Variants in SKIC3 observed in about 807,000 individuals in gnomAD.
SKIC3 encodes the protein superkiller complex protein 3.
chr5:95,524,478 G>A, the SKIC3 span: 2 of 1,613,150 alleles, frequency 1.2e-6, no homozygotes, highest in Non-Finnish European at 1.7e-6. Context: ...CAGAAAGTGG[G>A]TAAGAGCCTT....
chr5:95,476,214 G>C, the SKIC3 span, among the ~76,000 whole-genome samples: 1 of 152,326 alleles, frequency 6.6e-6, no homozygotes, highest in East Asian at 1.9e-4. Context: ...GCCAGCCACA[G>C]ATCTCAGCTC....
chr5:95,491,124 G>A, the SKIC3 span: 1 of 1,516,362 alleles, frequency 6.6e-7, no homozygotes. Flanking sequence ...GAGTTTACAA[G>A]TTAAAAAAAA....
chr5:95,517,208 A>T, the SKIC3 span: 3 of 1,613,362 alleles, frequency 1.9e-6, no homozygotes, highest in Admixed American at 3.3e-5. Context: ...TCTGACCTAG[A>T]AGGACTCCTA....
the SKIC3 span, among the ~76,000 whole-genome samples, chr5:95,518,008 C>T: frequency 4.6e-5 from 7 of 152,140 alleles, no homozygotes; most frequent in East Asian, 1.4e-3. Flanking sequence ...CACCAAGATG[C>T]CAGCACCATG....
chr5:95,542,589 T>C, the SKIC3 span, among the ~76,000 whole-genome samples: 1 of 152,208 alleles, frequency 6.6e-6, no homozygotes, highest in Non-Finnish European at 1.5e-5. Flanking sequence ...AAAGCAGCAA[T>C]TTCTCTAACT....
At chr5:95,475,506 T>A in the SKIC3 span, among the ~76,000 whole-genome samples, 1 of 152,184 alleles carries the variant, frequency 6.6e-6, no homozygotes, top group Non-Finnish European at 1.5e-5. Context: ...GATTGTAAGT[T>A]TCCTGAGGTC....
the SKIC3 span, among the ~76,000 whole-genome samples, chr5:95,554,584 C>A: frequency 6.6e-6 from 1 of 152,214 alleles, no homozygotes; most frequent in African/African-American, 2.4e-5. Flanking sequence ...TCTTACTAGG[C>A]CCCGCTCCTC....
the SKIC3 span, chr5:95,521,538 A>T: frequency 6.6e-6 from 1 of 152,120 alleles, no homozygotes; most frequent in African/African-American, 2.4e-5. Context: ...GAAGAAAGTA[A>T]GCATATATAA....
At chr5:95,518,426 G>T in the SKIC3 span, among the ~76,000 whole-genome samples, 8 of 151,880 alleles carry the variant, frequency 5.3e-5, no homozygotes, top group African/African-American at 1.9e-4. Context: ...GCGTAATTTT[G>T]TGTCCTTTAA....
the SKIC3 span, among the ~76,000 whole-genome samples, chr5:95,522,574 G>A: frequency 6.6e-6 from 1 of 151,756 alleles, no homozygotes; most frequent in African/African-American, 2.4e-5. Flanking sequence ...TGAAGAACTC[G>A]AGTTTTCTAT....
At chr5:95,519,632 C>T in the SKIC3 span, among the ~76,000 whole-genome samples, 1 of 151,964 alleles carries the variant, frequency 6.6e-6, no homozygotes, top group African/African-American at 2.4e-5. Context: ...AATAAAATAT[C>T]TATAAATTGA....
At chr5:95,545,936 G>A in the SKIC3 span, among the ~76,000 whole-genome samples, 1 of 152,032 alleles carries the variant, frequency 6.6e-6, no homozygotes. Flanking sequence ...GTACTATTCT[G>A]CTCCTCTCTA....
At chr5:95,544,021 A>C in the SKIC3 span, among the ~76,000 whole-genome samples, 1 of 152,250 alleles carries the variant, frequency 6.6e-6, no homozygotes, top group Non-Finnish European at 1.5e-5. Flanking sequence ...AAGGTTTTAC[A>C]TTATTCCAGA....
the SKIC3 span, chr5:95,464,380 C>A: frequency 2.1e-6 from 1 of 477,728 alleles, no homozygotes; most frequent in Non-Finnish European, 3.7e-6. Flanking sequence ...TAATGGTTTT[C>A]CTTTCATTCT....
At chr5:95,498,770 C>A in the SKIC3 span, among the ~76,000 whole-genome samples, 2 of 152,072 alleles carry the variant, frequency 1.3e-5, no homozygotes, top group Non-Finnish European at 2.9e-5. Context: ...GGACTACAGG[C>A]GCCCGCCATC....
the SKIC3 span, chr5:95,507,024 A>C: frequency 6.2e-7 from 1 of 1,609,420 alleles, no homozygotes; most frequent in African/African-American, 1.3e-5. Context: ...TAAAAAAAAA[A>C]AGGTATTTTA....
At chr5:95,489,758 A>G in the SKIC3 span, among the ~76,000 whole-genome samples, 3 of 152,288 alleles carry the variant, frequency 2.0e-5, no homozygotes, top group African/African-American at 7.2e-5. Flanking sequence ...CAATGAAAGA[A>G]AAGAGATTGT....
At chr5:95,479,675 TTGTGTG>T in the SKIC3 span, among the ~76,000 whole-genome samples, 32,935 of 143,930 alleles carry the variant, frequency 0.23, 4,504 homozygotes, top group African/African-American at 0.39. Flanking sequence ...GGAAAAAACA[TTGTGTG>T]TGTGTGTGTG....
the SKIC3 span, chr5:95,541,255 C>T: frequency 2.4e-5 from 38 of 1,569,794 alleles, no homozygotes; most frequent in East Asian, 9.0e-5. Context: ...TGTGAGTCAC[C>T]GCGCCCAGCC....
Sources: allele counts gnomAD v4.1 joint callset (sites outside exome capture counted in the v4.1 genomes callset), GRCh38; gene constraint gnomAD v4.1.1; transcripts MANE v1.5; gene names NCBI Gene and HGNC (gene_info 2026-07-23, HGNC 2026-07-21).